CFAP52: variants seen among roughly 807,000 people sequenced by gnomAD.
The protein encoded by CFAP52 is cilia- and flagella-associated protein 52.
CFAP52 carries 57 observed loss-of-function variants against 70.5 expected under a neutral mutation model. The ratio of observed to expected loss-of-function variants is 0.81; its 90% confidence interval spans 0.65 to 1.01. The LOEUF is 1.01. Ranked by LOEUF, CFAP52 falls within the 50% of genes least tolerant of loss-of-function variation. The probability of loss-of-function intolerance (pLI) is 0.00; values close to 1 mark genes in which losing one functional copy is unlikely to be tolerated. For synonymous variants in CFAP52, 267 were observed against 292.5 expected, an observed-to-expected ratio of 0.91 and a Z score of 0.89; for missense variants, 785 against 788.5, an observed-to-expected ratio of 1.00 and a Z score of 0.05.
intron 4 of CFAP52, 117 bp downstream of exon 4, chr17:9,594,438 A>G (rs1434932210): frequency 2.3e-6 from 3 of 1,300,054 alleles, no homozygotes; most frequent in East Asian, 2.6e-5. Context: ...AATACCTTAC[A>G]TCATAGTTTT....
chr17:9,580,272 C>T (rs979936680), intron 1 of CFAP52, among the ~76,000 whole-genome samples: 8 of 148,330 alleles, frequency 5.4e-5, no homozygotes, highest in Non-Finnish European at 1.0e-4. Context: ...TCTCAAGAGA[C>T]CATATTGCCC....
intron 11 of CFAP52, among the ~76,000 whole-genome samples, chr17:9,636,192 AAAGAAAGAAAGAAAG>A (rs1209479984): frequency 1.8e-5 from 2 of 110,208 alleles, no homozygotes; most frequent in African/African-American, 5.0e-5. Flanking sequence ...AGAAAGAAAG[AAAGAAAGAAAGAAAG>A]AAAGAAAGAA....
At chr17:9,601,335 A>G (rs978751675) in intron 6 of CFAP52, among the ~76,000 whole-genome samples, 1 of 151,846 alleles carries the variant, frequency 6.6e-6, no homozygotes, top group African/African-American at 2.4e-5. Flanking sequence ...TGGGTGCAGC[A>G]CACCAACATG....
Position 9,586,567 on chromosome 17 carries a change from A to G in CFAP52, c.271-131A>G, listed in dbSNP as rs1908489352. 6.7e-6 allele frequency: 7 copies of G among 1,041,632 alleles called. No individual in the cohort carries two copies. The East Asian group carries it at 2.2e-4, about 32-fold the overall frequency. 64.5% of individuals were successfully genotyped at this position (1,041,632 alleles called of 1,614,324 possible). A position where few individuals can be genotyped will look rare whatever the true frequency, so the allele number is the denominator to read the frequency against. ...CAAAAAAGAGTGAGACTCCGTCTCA[A>G]CAAAAAAAAAAAAAAAAAGAAAGAA... On this transcript the variant is annotated intron_variant, in intron 2 of 13. Coordinates refer to ENST00000352665, the MANE Select transcript of CFAP52 (RefSeq NM_145054.5).
In CFAP52 at chr17:9,632,965, A is replaced by T; in HGVS notation, c.1252A>T (p.Ile418Phe). 1 of 1,614,262 alleles carries T rather than the reference A, an allele frequency of 6.2e-7. No individual in the cohort carries two copies. Among genetic ancestry groups the T allele is most frequent in the Middle Eastern group, 1.6e-4 (1 of 6,062 alleles). Residue 418 changes from isoleucine to phenylalanine, a missense_variant, in exon 10 of 14, where the codon ATC becomes TTC. Ile to Phe is a conservative substitution (Grantham distance 21, BLOSUM62 0). Coordinates refer to ENST00000352665, the MANE Select transcript of CFAP52 (RefSeq NM_145054.5). ...LMYVINNAHR[I>F]GVTAIATTSD... Reference sequence around the variant, plus strand: ...GTATGTCATTAACAATGCTCACAGGATCGGCGTCACCGCCATCGCCACCAC... The same window carrying T: ...GTATGTCATTAACAATGCTCACAGGTTCGGCGTCACCGCCATCGCCACCAC...
At chr17:9,628,161 C>T (rs1007422655) in intron 8 of CFAP52, among the ~76,000 whole-genome samples, 5 of 152,130 alleles carry the variant, frequency 3.3e-5, no homozygotes, top group African/African-American at 4.8e-5. Context: ...AGAGAAAGGA[C>T]TACAAAAGAT....
intron 9 of CFAP52, 137 bp downstream of exon 9, chr17:9,628,957 C>T: frequency 1.5e-6 from 2 of 1,308,932 alleles, no homozygotes; most frequent in Non-Finnish European, 1.0e-6. Context: ...TGCTTCTAAT[C>T]TAGCCTCTCT....
chr17:9,630,379 T>C (rs67062843), intron 9 of CFAP52, among the ~76,000 whole-genome samples: 20,581 of 148,478 alleles, frequency 0.14, 1,518 homozygotes, highest in East Asian at 0.36. Flanking sequence ...CTGATTTACA[T>C]AGCTGTGATT....
At chr17:9,639,902 G>C (rs1213201993) in intron 12 of CFAP52, among the ~76,000 whole-genome samples, 1 of 152,134 alleles carries the variant, frequency 6.6e-6, no homozygotes, top group Non-Finnish European at 1.5e-5. Context: ...TGGCTTCTTT[G>C]GCTGGGAAGG....
intron 1 of CFAP52, among the ~76,000 whole-genome samples, chr17:9,582,661 G>A (rs1262520966): frequency 6.6e-6 from 1 of 152,094 alleles, no homozygotes; most frequent in Non-Finnish European, 1.5e-5. Context: ...TTTTGAGAAA[G>A]AGTCTCACTC....
intron 6 of CFAP52, among the ~76,000 whole-genome samples, chr17:9,606,178 T>C (rs1248580470): frequency 6.6e-6 from 1 of 152,090 alleles, no homozygotes; most frequent in Non-Finnish European, 1.5e-5. Context: ...AGGCTGGAGT[T>C]TGAGGCCAGC....
At chr17:9,626,949 A>T (rs745747701) in intron 8 of CFAP52, among the ~76,000 whole-genome samples, 34 of 152,330 alleles carry the variant, frequency 2.2e-4, no homozygotes, top group Non-Finnish European at 2.5e-4. Context: ...ATGTACTGAA[A>T]TCTAAAAATT....
rs190615282 is a variant in CFAP52 at position 9,589,484 on chromosome 17, G to A, written c.407+2650G>A. Among the ~76,000 whole-genome samples the A allele has an allele frequency of 3.6e-4, 55 of 152,202 alleles. 1 individual carries two copies. The East Asian group carries it at 0.011, about 29-fold the overall frequency. On this transcript the variant is annotated intron_variant, in intron 3 of 13. Coordinates refer to ENST00000352665, the MANE Select transcript of CFAP52 (RefSeq NM_145054.5). ...GTGGCAGCTCACGCCTGAAATCCCA[G>A]CACTTTGGGAGGCCGAGGCAGGTGG...
At position 9,617,036 on chromosome 17, in the gene CFAP52, C is replaced by T. The variant is rs1484474360; in HGVS notation, c.1025+4557C>T. ...CGAGCTGAGAGAAGAAGGCTTCAGA[C>T]GATCAAGTTACTCTGAGCTACGGGA... On this transcript the variant is annotated intron_variant, in intron 8 of 13. Coordinates refer to ENST00000352665, the MANE Select transcript of CFAP52 (RefSeq NM_145054.5). Among the ~76,000 whole-genome samples, 5 of 89,258 alleles carry T rather than the reference C, an allele frequency of 5.6e-5. 1 individual carries two copies. The South Asian group carries it at 1.4e-3, about 26-fold the overall frequency. The allele number at this position is 89,258 out of a possible 152,430, so 58.6% of individuals were successfully genotyped here.
At chr17:9,631,028 A>AAGAAAGAAAGAAAGAGAGAG (rs1555544250) in intron 9 of CFAP52, among the ~76,000 whole-genome samples, 1 of 44,710 alleles carries the variant, frequency 2.2e-5, no homozygotes, top group Non-Finnish European at 3.8e-5. Flanking sequence ...GAAAGAAAGA[A>AAGAAAGAAAGAAAGAGAGAG]AGAGAGAGAG....
At chr17:9,588,774 A>AT (rs34511627) in intron 3 of CFAP52, among the ~76,000 whole-genome samples, 3,022 of 143,880 alleles carry the variant, frequency 0.021, 97 homozygotes, top group African/African-American at 0.061. Flanking sequence ...ACAGAAAAGA[A>AT]TTTTTTTTTT....
chr17:9,642,633 G>A lies in CFAP52; in HGVS notation c.1688-390G>A, dbSNP rs183112021. Among the ~76,000 whole-genome samples the A allele has an allele frequency of 3.6e-4, 55 of 152,188 alleles. No homozygotes were observed. The East Asian group carries it at 6.6e-3, about 18-fold the overall frequency. Reference sequence around the variant, plus strand: ...ACAGTCCGTCTCAATAAATAAATAAGTAAAAAATAAATAAATGCATGAAAT... The same window carrying A: ...ACAGTCCGTCTCAATAAATAAATAAATAAAAAATAAATAAATGCATGAAAT... On this transcript the variant is annotated intron_variant, in intron 13 of 13. Transcript: ENST00000352665.
intron 11 of CFAP52, among the ~76,000 whole-genome samples, chr17:9,636,249 AAG>A (rs67561525): frequency 2.6e-5 from 3 of 116,226 alleles, no homozygotes; most frequent in African/African-American, 7.7e-5. Context: ...GAAAGAAAGA[AAG>A]AGAAAGAAAA....
At position 9,633,006 on chromosome 17, in the gene CFAP52, G is replaced by A. The variant is rs771413878; in HGVS notation, c.1293G>A (p.Arg431=). The A allele has an allele frequency of 7.4e-6, 12 of 1,614,004 alleles. No homozygotes were observed. Among genetic ancestry groups the A allele is most frequent in the Non-Finnish European group, 9.3e-6 (11 of 1,179,956 alleles). ...TCGCCACCACCAGTGACTGTAAAAG[G>A]GTCATCAGTGGCGGTGGGGAAGGGG... ...TAIATTSDCK[R]VISGGGEGEV... Residue 431 remains arginine, a synonymous_variant, in exon 10 of 14, where the codon AGG becomes AGA. Transcript: ENST00000352665.
Sources: allele counts gnomAD v4.1 joint callset (sites outside exome capture counted in the v4.1 genomes callset), GRCh38; gene constraint gnomAD v4.1.1; transcripts MANE v1.5; gene names NCBI Gene and HGNC (gene_info 2026-07-23, HGNC 2026-07-21).